Variants in SPATS2L observed in about 807,000 individuals in gnomAD.
The protein encoded by SPATS2L is spermatogenesis associated serine rich 2 like, also known as SPATS2-like protein.
In SPATS2L, 30 loss-of-function variants were observed where a neutral mutation model predicts 59.6. The ratio of observed to expected loss-of-function variants is 0.50; its 90% confidence interval spans 0.38 to 0.68. The LOEUF is 0.68. Among genes scored for constraint, SPATS2L ranks in the 30% least tolerant of loss-of-function variants. The pLI is 0.00. For synonymous variants in SPATS2L, 252 were observed against 263.5 expected, an observed-to-expected ratio of 0.96 and a Z score of 0.42; for missense variants, 615 against 700.0, an observed-to-expected ratio of 0.88 and a Z score of 1.37.
intron 3 of SPATS2L, among the ~76,000 whole-genome samples, chr2:200,396,033 A>AATATAAATAAATAT (rs1553520467): frequency 4.7e-5 from 1 of 21,148 alleles, no homozygotes; most frequent in African/African-American, 1.5e-4. Context: ...AAAAAAAAAA[A>AATATAAATAAATAT]ATATATATAT....
chr2:200,306,366 G>A, upstream of SPATS2L: 1 of 1,002,358 alleles, frequency 1.0e-6, no homozygotes, highest in Non-Finnish European at 1.2e-6. Flanking sequence ...GAGTTTCGGT[G>A]AAGTGGAGGT....
intron 8 of SPATS2L, among the ~76,000 whole-genome samples, chr2:200,454,283 C>G (rs990541237): frequency 6.6e-6 from 1 of 152,182 alleles, no homozygotes; most frequent in African/African-American, 2.4e-5. Context: ...TGCTCTCCAG[C>G]TTATCAACTA....
chr2:200,323,792 A>T (rs1449486121), intron 1 of SPATS2L, among the ~76,000 whole-genome samples: 1 of 152,176 alleles, frequency 6.6e-6, no homozygotes, highest in Non-Finnish European at 1.5e-5. Flanking sequence ...TGTGTATTTT[A>T]CTCTTCAATA....
intron 2 of SPATS2L, among the ~76,000 whole-genome samples, chr2:200,342,053 T>C (rs1303478971): frequency 6.6e-6 from 1 of 152,188 alleles, no homozygotes; most frequent in East Asian, 1.9e-4. Context: ...AATCCCCCTT[T>C]AATGTAGCAC....
intron 3 of SPATS2L, among the ~76,000 whole-genome samples, chr2:200,407,735 T>C (rs1472663131): frequency 1.3e-5 from 2 of 152,114 alleles, no homozygotes; most frequent in African/African-American, 2.4e-5. Context: ...AAAGAACATA[T>C]ATATGTTCTC....
At chr2:200,318,638 G>T (rs1172720286) in intron 1 of SPATS2L, among the ~76,000 whole-genome samples, 2 of 152,010 alleles carry the variant, frequency 1.3e-5, no homozygotes, top group African/African-American at 4.8e-5. Flanking sequence ...GACTCTTCTC[G>T]ATTGCATTTA....
At chr2:200,308,988 C>G (rs986305670) in intron 1 of SPATS2L, 2 of 715,428 alleles carry the variant, frequency 2.8e-6, no homozygotes, top group Non-Finnish European at 2.6e-6. Flanking sequence ...AGAAGCTGCT[C>G]TGCCACACCA....
chr2:200,477,515 TAAAAAAAAAA>T (rs59073895), intron 12 of SPATS2L, 111 bp from the exon 13 acceptor site: 175 of 302,420 alleles, frequency 5.8e-4, no homozygotes, highest in Non-Finnish European at 5.5e-4. Flanking sequence ...TTCTGGTGTA[TAAAAAAAAAA>T]AAAAAAAAAA....
chr2:200,462,198 C>A (rs1459208135), intron 9 of SPATS2L, among the ~76,000 whole-genome samples: 1 of 152,218 alleles, frequency 6.6e-6, no homozygotes, highest in African/African-American at 2.4e-5. Flanking sequence ...GTCACTAGCA[C>A]ATCATCACTT....
intron 2 of SPATS2L, among the ~76,000 whole-genome samples, chr2:200,330,346 A>G (rs2079896857): frequency 6.6e-6 from 1 of 152,196 alleles, no homozygotes; most frequent in East Asian, 1.9e-4. Flanking sequence ...CTTTTTCCAT[A>G]AATGTAAAAC....
At chr2:200,322,264 C>G (rs1323113932) in intron 1 of SPATS2L, among the ~76,000 whole-genome samples, 2 of 152,180 alleles carry the variant, frequency 1.3e-5, no homozygotes, top group Admixed American at 6.6e-5. Context: ...TGAAACTCTT[C>G]TTTGTTTTAG....
At chr2:200,321,019 A>C (rs973119800) in intron 1 of SPATS2L, among the ~76,000 whole-genome samples, 10 of 152,254 alleles carry the variant, frequency 6.6e-5, no homozygotes, top group African/African-American at 2.4e-4. Flanking sequence ...TGATGTTAAA[A>C]ATAATACATA....
At chr2:200,407,505 A>G (rs1026758719) in intron 3 of SPATS2L, among the ~76,000 whole-genome samples, 17 of 152,184 alleles carry the variant, frequency 1.1e-4, no homozygotes, top group Non-Finnish European at 1.5e-4. Flanking sequence ...GCAGAACTGT[A>G]TCTAGTTTTT....
chr2:200,364,336 C>T (rs2081199943), intron 2 of SPATS2L, among the ~76,000 whole-genome samples: 1 of 152,128 alleles, frequency 6.6e-6, no homozygotes, highest in South Asian at 2.1e-4. Context: ...TGAGCTGTGT[C>T]ACCGGTTTGT....
At chr2:200,441,749 C>T (rs2084714087) in intron 8 of SPATS2L, among the ~76,000 whole-genome samples, 1 of 152,126 alleles carries the variant, frequency 6.6e-6, no homozygotes, top group Admixed American at 6.6e-5. Flanking sequence ...TCTGAAATAG[C>T]AAAAGTCCAA....
chr2:200,469,906 T>A lies in SPATS2L; in HGVS notation c.958-8T>A. 6.2e-7 allele frequency: 1 copy of A among 1,603,140 alleles called. No homozygotes were observed. Among genetic ancestry groups the A allele is most frequent in the Non-Finnish European group, 8.5e-7 (1 of 1,174,858 alleles). On this transcript the variant is annotated splice_region_variant and splice_polypyrimidine_tract_variant and intron_variant, in intron 10 of 12. Coordinates refer to ENST00000409140, the MANE Select transcript of SPATS2L (RefSeq NM_001100423.2). ...ATGGGGTTCCTGCTTTTCATCTCTTTCCTCCAGCACTTTGTCAGCGAGCGT... is the reference window on the plus strand; with the variant it reads ...ATGGGGTTCCTGCTTTTCATCTCTTACCTCCAGCACTTTGTCAGCGAGCGT...
At position 200,478,622 on chromosome 2, in the gene SPATS2L, G is replaced by T. The variant is rs2087702876; in HGVS notation, c.*591G>T. 6.6e-6 allele frequency: 1 copy of T among 152,608 alleles called. No homozygotes were observed. Among genetic ancestry groups the T allele is most frequent in the Non-Finnish European group, 1.5e-5 (1 of 68,036 alleles). 9.5% of individuals were successfully genotyped at this position (152,608 alleles called of 1,614,324 possible). A position where few individuals can be genotyped will look rare whatever the true frequency, so the allele number is the denominator to read the frequency against. ...AAAACTTTAGAGACTAGAGGTTGTG[G>T]TGCAAAGCTGTGTACAATAAATACT... On this transcript the variant is annotated 3_prime_UTR_variant, in exon 13 of 13. Transcript: ENST00000409140.
chr2:200,436,199 A>G (rs901602928), intron 6 of SPATS2L, among the ~76,000 whole-genome samples: 42 of 152,258 alleles, frequency 2.8e-4, no homozygotes, highest in African/African-American at 1.0e-3. Flanking sequence ...CTATAATGTT[A>G]GAGGAAAGTC....
At position 200,342,464 on chromosome 2, in the gene SPATS2L, C is replaced by T. The variant is rs1363439244; in HGVS notation, c.-23+12984C>T. ...TTTACAGGGGAGTGAAGCCTTCCTCCTCCGTCTGATGCTGGGCCTGCCTTC... is the reference window on the plus strand; with the variant it reads ...TTTACAGGGGAGTGAAGCCTTCCTCTTCCGTCTGATGCTGGGCCTGCCTTC... On this transcript the variant is annotated intron_variant, in intron 2 of 12. Coordinates refer to ENST00000409140, the MANE Select transcript of SPATS2L (RefSeq NM_001100423.2). Among the ~76,000 whole-genome samples the T allele has an allele frequency of 4.6e-5, 7 of 152,352 alleles. No individual in the cohort carries two copies. In the South Asian group the frequency reaches 1.4e-3, roughly 32 times the overall value.
Sources: allele counts gnomAD v4.1 joint callset (sites outside exome capture counted in the v4.1 genomes callset), GRCh38; gene constraint gnomAD v4.1.1; transcripts MANE v1.5; gene names NCBI Gene and HGNC (gene_info 2026-07-23, HGNC 2026-07-21).